The following ANXA8 variants were observed in gnomAD, a reference collection of about 807,000 sequenced individuals.
The protein encoded by ANXA8 is annexin A8, also known as VAC-beta.
Under a neutral mutation model 26.8 loss-of-function variants are expected in ANXA8, and 9 were observed. The observed-to-expected ratio is 0.34, with a 90% CI of 0.20 to 0.59. The LOEUF (loss-of-function observed/expected upper bound fraction) is 0.59. ANXA8 is among the 20% of genes least tolerant of loss of function. ANXA8 has a pLI of 0.84. For synonymous variants in ANXA8, 39 were observed against 94.8 expected, an observed-to-expected ratio of 0.41 and a Z score of 3.42; for missense variants, 83 against 238.5, an observed-to-expected ratio of 0.35 and a Z score of 4.29.
the ANXA8 span, chr10:47,491,805 G>T: frequency 1.2e-6 from 1 of 831,808 alleles, no homozygotes; most frequent in African/African-American, 1.8e-5. Context: ...GGCTGGACAG[G>T]TGAGTCAGTG....
the ANXA8 span, among the ~76,000 whole-genome samples, chr10:47,695,147 G>A: frequency 6.6e-6 from 1 of 150,910 alleles, no homozygotes; most frequent in Non-Finnish European, 1.5e-5. Flanking sequence ...CTTGAATGCT[G>A]TACTAGCTCT....
chr10:47,958,963 G>T, the ANXA8 span, among the ~76,000 whole-genome samples: 10 of 150,366 alleles, frequency 6.7e-5, no homozygotes, highest in Non-Finnish European at 1.0e-4. Flanking sequence ...TGAGGTTTTG[G>T]GTGGGGACAC....
the ANXA8 span, among the ~76,000 whole-genome samples, chr10:47,898,811 ATTTTTT>A: frequency 1.2e-3 from 69 of 56,246 alleles, 2 homozygotes; most frequent in African/African-American, 5.2e-3. Context: ...AAGAGAATGG[ATTTTTT>A]TTTTTTTTTT....
the ANXA8 span, chr10:47,757,371 CA>C: frequency 6.3e-6 from 1 of 159,574 alleles, no homozygotes; most frequent in African/African-American, 3.4e-5. Context: ...GTTACTCTGG[CA>C]AGTGCTGAAG....
chr10:47,947,988 C>T, the ANXA8 span, among the ~76,000 whole-genome samples: 22,055 of 144,090 alleles, frequency 0.15, 159 homozygotes, highest in Middle Eastern at 0.18. Flanking sequence ...AGTGGAGCGT[C>T]CTTGTAGAAA....
chr10:47,953,708 T>C, the ANXA8 span, among the ~76,000 whole-genome samples: 2 of 149,788 alleles, frequency 1.3e-5, no homozygotes, highest in Non-Finnish European at 1.5e-5. Context: ...AGAAATCTAA[T>C]AATATAATTA....
chr10:47,652,175 G>A, the ANXA8 span, among the ~76,000 whole-genome samples: 1 of 152,036 alleles, frequency 6.6e-6, no homozygotes, highest in East Asian at 1.9e-4. Context: ...ATAGGTATGG[G>A]GTTCTTTTTA....
chr10:47,744,423 T>TGG, the ANXA8 span, among the ~76,000 whole-genome samples: 2 of 6,432 alleles, frequency 3.1e-4, no homozygotes, highest in Non-Finnish European at 2.7e-4. Context: ...GGGGGGGGGT[T>TGG]GGGGGGGAGG....
At chr10:47,579,090 G>A in the ANXA8 span, among the ~76,000 whole-genome samples, 47 of 146,518 alleles carry the variant, frequency 3.2e-4, 1 homozygote, top group Non-Finnish European at 2.5e-4. Flanking sequence ...TGATCCACCC[G>A]CCTCGGCCTC....
At chr10:47,563,710 T>C in the ANXA8 span, 2 of 801,590 alleles carry the variant, frequency 2.5e-6, no homozygotes, top group East Asian at 4.9e-5. Flanking sequence ...TCTTGCTACC[T>C]AATGAGAACT....
At chr10:47,617,880 T>C in the ANXA8 span, among the ~76,000 whole-genome samples, 1 of 140,672 alleles carries the variant, frequency 7.1e-6, no homozygotes, top group South Asian at 2.2e-4. Flanking sequence ...AACAGATTTA[T>C]CCTTAGATTA....
chr10:47,594,909 A>G, the ANXA8 span, among the ~76,000 whole-genome samples: 1 of 149,342 alleles, frequency 6.7e-6, no homozygotes, highest in African/African-American at 2.6e-5. Flanking sequence ...CCAGAAATCC[A>G]GAGAACCTCT....
At chr10:47,489,218 C>T in the ANXA8 span, among the ~76,000 whole-genome samples, 1 of 137,052 alleles carries the variant, frequency 7.3e-6, no homozygotes, top group Non-Finnish European at 1.6e-5. Context: ...CGGGGTTTCA[C>T]CGTGTTAGCC....
chr10:47,640,865 C>A, the ANXA8 span, among the ~76,000 whole-genome samples: 1 of 131,902 alleles, frequency 7.6e-6, no homozygotes, highest in Non-Finnish European at 1.5e-5. Flanking sequence ...ATGATTAGTT[C>A]TGAAATATGA....
chr10:47,675,482 A>C, the ANXA8 span, among the ~76,000 whole-genome samples: 1 of 151,870 alleles, frequency 6.6e-6, no homozygotes, highest in Admixed American at 6.6e-5. Context: ...CAGATCCCAG[A>C]CCTGCTCAAG....
At chr10:47,627,340 T>C in the ANXA8 span, among the ~76,000 whole-genome samples, 6 of 150,420 alleles carry the variant, frequency 4.0e-5, no homozygotes, top group East Asian at 1.2e-3. Context: ...TGTGAATTTC[T>C]TAAGTGTCTG....
chr10:47,522,441 C>T, the ANXA8 span, among the ~76,000 whole-genome samples: 7 of 150,234 alleles, frequency 4.7e-5, no homozygotes, highest in African/African-American at 1.0e-4. Flanking sequence ...TCTGCAGCCC[C>T]GGCTGTGACA....
At chr10:47,669,091 T>G in the ANXA8 span, among the ~76,000 whole-genome samples, 2 of 151,940 alleles carry the variant, frequency 1.3e-5, 1 homozygote, top group South Asian at 4.1e-4. Context: ...CCAATGTGCT[T>G]TATGTTTCCC....
At chr10:47,969,895 TC>T in the ANXA8 span, 1 of 151,314 alleles carries the variant, frequency 6.6e-6, no homozygotes, top group African/African-American at 2.4e-5. Flanking sequence ...ATGAACCTTG[TC>T]TTCCAGAAAT....
Sources: gnomAD v4.1 joint callset for allele counts (sites outside exome capture counted in the v4.1 genomes callset) on GRCh38, gnomAD v4.1.1 for gene constraint, MANE v1.5 for transcripts, NCBI Gene and HGNC (gene_info 2026-07-23, HGNC 2026-07-21) for gene names.